CHST6: variants seen among roughly 807,000 people sequenced by gnomAD.
The protein encoded by CHST6 is N-acetylglucosamine 6-O-sulfotransferase 5.
For synonymous variants in CHST6, 309 were observed against 276.4 expected, an observed-to-expected ratio of 1.12 and a Z score of -1.17; for missense variants, 698 against 586.2, an observed-to-expected ratio of 1.19 and a Z score of -1.97.
Position 75,479,617 on chromosome 16 carries a change from T to C in CHST6, c.212A>G (p.Glu71Gly), listed in dbSNP as rs902691133. The C allele has an allele frequency of 6.2e-7, 1 of 1,612,768 alleles. No homozygotes were observed. Among genetic ancestry groups the C allele is most frequent in the Admixed American group, 1.7e-5 (1 of 60,010 alleles). Residue 71 changes from glutamate (E) to glycine (G), a missense_variant, in exon 3 of 3, where the codon GAG becomes GGG. Glu to Gly is a moderately conservative substitution (Grantham distance 98). Coordinates refer to ENST00000332272, the MANE Select transcript of CHST6 (RefSeq NM_021615.5). ...GGTGGTCCACACGTGCCACGCGGGC[T>C]CCATTAGGTAGAAGACGTCGGGGTG... ...NQHPDVFYLM[E>G]PAWHVWTTLS... is the part of the protein sequence containing the mutation.
chr16:75,479,326 T>C lies in CHST6; in HGVS notation c.503A>G (p.Tyr168Cys), dbSNP rs750796422. 3 of 1,612,966 alleles carry C rather than the reference T, an allele frequency of 1.9e-6. No homozygotes were observed. The highest frequency in any genetic ancestry group is 1.7e-5 in the Admixed American group (1 of 60,000). ...CACCTCCTTGAGCACCACGTGGCTG[T>C]AGGAGCGGCAGGCCTCCCGGGCCAG... Reference protein sequence around the residue: ...FTLAREACRSYSHVVLKEVRF... With the variant: ...FTLAREACRSCSHVVLKEVRF... The change falls in exon 3 of 3, where the codon TAC (tyrosine) becomes TGC (cysteine). Residue 168 changes from tyrosine to cysteine, a missense_variant. Coordinates refer to ENST00000332272, the MANE Select transcript of CHST6 (RefSeq NM_021615.5).
intron 1 of CHST6, among the ~76,000 whole-genome samples, chr16:75,487,472 C>T (rs967088700): frequency 6.6e-6 from 1 of 151,856 alleles, no homozygotes; most frequent in Non-Finnish European, 1.5e-5. Context: ...TGGGACAAGC[C>T]TGACCAACAC....
At chr16:75,491,422 T>C (rs1223742148) in intron 1 of CHST6, among the ~76,000 whole-genome samples, 1 of 151,708 alleles carries the variant, frequency 6.6e-6, no homozygotes, top group Non-Finnish European at 1.5e-5. Flanking sequence ...TAGGCTGGAG[T>C]GCAGTGGCAC....
At position 75,478,871 on chromosome 16, in the gene CHST6, T is replaced by G. The variant is rs772357890; in HGVS notation, c.958A>C (p.Lys320Gln). 18 of 1,613,402 alleles carry G rather than the reference T, an allele frequency of 1.1e-5. No homozygotes were observed. The highest frequency in any genetic ancestry group is 1.5e-5 in the Non-Finnish European group (18 of 1,179,962). Residue 320 changes from lysine (K) to glutamine (Q), a missense_variant, in exon 3 of 3, where the codon AAG becomes CAG. Transcript: ENST00000332272. ...SGPGARREAF[K>Q]TSSRNALNVS... ...TTGAGCGCATTCCTGGACGAAGTCT[T>G]GAAGGCTTCGCGGCGCGCACCAGGT... is the stretch of plus-strand genomic sequence containing the variant.
At position 75,474,244 on chromosome 16, in the gene CHST6, T is replaced by C. The variant is rs1416630878; in HGVS notation, c.*4397A>G. 5 of 215,244 alleles carry C rather than the reference T, an allele frequency of 2.3e-5. No individual in the cohort carries two copies. The Admixed American group carries it at 2.9e-4, about 13-fold the overall frequency. 13.3% of individuals were successfully genotyped at this position (215,244 alleles called of 1,614,324 possible). Reference sequence around the variant, plus strand: ...CTTTTCATTAAAAAGTCTCTCTTAATCTGTTTTGTTTTGCTATAACAATAC... The same window carrying C: ...CTTTTCATTAAAAAGTCTCTCTTAACCTGTTTTGTTTTGCTATAACAATAC... On this transcript the variant is annotated 3_prime_UTR_variant, in exon 3 of 3. Transcript: ENST00000332272.
Position 75,472,128 on chromosome 16 carries a change from A to G in CHST6, c.*6513T>C, listed in dbSNP as rs578043291. ...GACATAAAATCCACTGGCCATAAGG[A>G]AAGGATTCACATTCAACAATATGAT... is the stretch of plus-strand genomic sequence containing the variant. On this transcript the variant is annotated 3_prime_UTR_variant, in exon 3 of 3. Transcript: ENST00000332272. 4 of 152,220 alleles carry G rather than the reference A, an allele frequency of 2.6e-5. No homozygotes were observed. The highest frequency in any genetic ancestry group is 5.9e-5 in the Non-Finnish European group (4 of 68,042). 9.4% of individuals were successfully genotyped at this position (152,220 alleles called of 1,614,324 possible). A position where few individuals can be genotyped will look rare whatever the true frequency, so the allele number is the denominator to read the frequency against.
chr16:75,474,932 C>T lies in CHST6; in HGVS notation c.*3709G>A. ...TGTCTCAGCCTCCCAAGTAGCTGGC[C>T]TTACAGGCATGTGCCACCACACCTG... On this transcript the variant is annotated 3_prime_UTR_variant, in exon 3 of 3. Transcript: ENST00000332272. 2.8e-6 allele frequency: 1 copy of T among 358,614 alleles called. No individual in the cohort carries two copies. Among genetic ancestry groups the T allele is most frequent in the South Asian group, 1.5e-4 (1 of 6,636 alleles). The allele number at this position is 358,614 out of a possible 1,614,324, so 22.2% of individuals were successfully genotyped here.
Position 75,478,822 on chromosome 16 carries a change from G to C in CHST6, c.1007C>G (p.Ala336Gly). The change falls in exon 3 of 3, where the codon GCG becomes GGG. Residue 336 changes from alanine (A) to glycine (G), a missense_variant. By Grantham distance (60) the Ala-to-Gly change is moderately conservative. Transcript: ENST00000332272. ...GCGGCGGATCTTGGCAAAGGGCAGC[G>C]CATGGCGCCAGGCCTGGGAGACGTT... The part of the protein sequence containing the change: ...ALNVSQAWRH[A>G]LPFAKIRRVQ... The C allele has an allele frequency of 1.9e-6, 3 of 1,613,450 alleles. No homozygotes were observed. The highest frequency in any genetic ancestry group is 8.5e-7 in the Non-Finnish European group (1 of 1,179,970).
At chr16:75,490,047 A>G (rs920687530) in intron 1 of CHST6, among the ~76,000 whole-genome samples, 1 of 150,760 alleles carries the variant, frequency 6.6e-6, no homozygotes, top group Non-Finnish European at 1.5e-5. Context: ...GCGTGGTGGC[A>G]GGCACCTGTA....
rs1396230610 is a variant in CHST6, at chr16:75,478,996, C to G, written c.833G>C (p.Arg278Pro). The G allele has an allele frequency of 2.5e-6, 4 of 1,612,298 alleles. No individual in the cohort carries two copies. The highest frequency in any genetic ancestry group is 3.4e-6 in the Non-Finnish European group (4 of 1,179,944). ...CGCACGGATTTCTGCCAGCGGCTCCCGCGCCAGGTCCTCGAAGCGCACCAG... is the reference window on the plus strand; with the variant it reads ...CGCACGGATTTCTGCCAGCGGCTCCGGCGCCAGGTCCTCGAAGCGCACCAG... ...YRLVRFEDLA[R>P]EPLAEIRALY... is the part of the protein sequence containing the mutation. The change falls in exon 3 of 3, where the codon CGG becomes CCG. Residue 278 changes from arginine to proline, a missense_variant. Arg to Pro is a moderately radical substitution (Grantham distance 103). Coordinates refer to ENST00000332272, the MANE Select transcript of CHST6 (RefSeq NM_021615.5).
chr16:75,492,704 G>A (rs1231790556), intron 1 of CHST6, among the ~76,000 whole-genome samples: 1 of 152,066 alleles, frequency 6.6e-6, no homozygotes, highest in Non-Finnish European at 1.5e-5. Flanking sequence ...ACAAAAAGTA[G>A]CCAGGTGTGG....
In CHST6 at chr16:75,472,423, T is replaced by C. The variant is rs1158002250; in HGVS notation, c.*6218A>G. The C allele has an allele frequency of 6.6e-6, 1 of 152,174 alleles. No individual in the cohort carries two copies. The allele number at this position is 152,174 out of a possible 1,614,324, so 9.4% of individuals were successfully genotyped here. A position where few individuals can be genotyped will look rare whatever the true frequency, so the allele number is the denominator to read the frequency against. On this transcript the variant is annotated 3_prime_UTR_variant, in exon 3 of 3. Transcript: ENST00000332272. ...AAAGCATATTCAAAAGAGGCTGTGG[T>C]AAGTCAACAGCAACATGGGCACAGC...
At chr16:75,481,062 C>T (rs892546692) in intron 2 of CHST6, among the ~76,000 whole-genome samples, 3 of 151,148 alleles carry the variant, frequency 2.0e-5, no homozygotes, top group African/African-American at 7.3e-5. Flanking sequence ...AGTTTGAGAC[C>T]AGCCTGGGCA....
At chr16:75,489,902 C>T (rs568207450) in intron 1 of CHST6, among the ~76,000 whole-genome samples, 2 of 152,164 alleles carry the variant, frequency 1.3e-5, no homozygotes, top group Admixed American at 6.5e-5. Context: ...CTCAACCAGG[C>T]GCAGTGGCCC....
rs1355370637 is a variant in CHST6, at chr16:75,479,240, T to C, written c.589A>G (p.Ile197Val). ...LLSDPALNLR[I>V]VHLVRDPRAV... ...CGCGGGTCGCGCACCAGGTGCACGA[T>C]GCGTAGGTTGAGCGCGGGGTCGCTG... Residue 197 changes from isoleucine to valine, a missense_variant, in exon 3 of 3, where the codon ATC becomes GTC. Ile to Val is a conservative substitution (Grantham distance 29, BLOSUM62 3). Transcript: ENST00000332272. The C allele has an allele frequency of 2.5e-6, 4 of 1,611,756 alleles. No individual in the cohort carries two copies. Among genetic ancestry groups the C allele is most frequent in the Non-Finnish European group, 3.4e-6 (4 of 1,179,708 alleles).
At position 75,472,766 on chromosome 16, in the gene CHST6, G is replaced by A. The variant is rs2080031719; in HGVS notation, c.*5875C>T. 1 of 152,128 alleles carries A rather than the reference G, an allele frequency of 6.6e-6. No homozygotes were observed. Among genetic ancestry groups the A allele is most frequent in the South Asian group, 2.1e-4 (1 of 4,828 alleles). The allele number at this position is 152,128 out of a possible 1,614,324, so 9.4% of individuals were successfully genotyped here. A position where few individuals can be genotyped will look rare whatever the true frequency, so the allele number is the denominator to read the frequency against. ...TCTTGATGCAAAATAACAAAAATAA[G>A]GCCCACCATTGATTCCCCAACAGCC... On this transcript the variant is annotated 3_prime_UTR_variant, in exon 3 of 3. Transcript: ENST00000332272.
In CHST6 at chr16:75,479,002, A is replaced by G. The variant is rs121917824; in HGVS notation, c.827T>C (p.Leu276Pro). 93 of 1,611,874 alleles carry G rather than the reference A, an allele frequency of 5.8e-5. No individual in the cohort carries two copies. Among genetic ancestry groups the G allele is most frequent in the Non-Finnish European group, 7.5e-5 (88 of 1,179,938 alleles). The part of the protein sequence containing the change: ...GRYRLVRFED[L>P]AREPLAEIRA... The stretch of plus-strand genomic sequence containing the variant: ...GATTTCTGCCAGCGGCTCCCGCGCC[A>G]GGTCCTCGAAGCGCACCAGGCGGTA... The change falls in exon 3 of 3, where the codon CTG becomes CCG. Residue 276 changes from leucine to proline, a missense_variant. Coordinates refer to ENST00000332272, the MANE Select transcript of CHST6 (RefSeq NM_021615.5).
In CHST6 at chr16:75,477,055, T is replaced by G. The variant is rs1006598395; in HGVS notation, c.*1586A>C. 6.6e-6 allele frequency: 1 copy of G among 152,238 alleles called. No homozygotes were observed. The highest frequency in any genetic ancestry group is 2.4e-5 in the African/African-American group (1 of 41,456). 9.4% of individuals were successfully genotyped at this position (152,238 alleles called of 1,614,324 possible). On this transcript the variant is annotated 3_prime_UTR_variant, in exon 3 of 3. Coordinates refer to ENST00000332272, the MANE Select transcript of CHST6 (RefSeq NM_021615.5). ...CACTGCATCCAGCCAAGTTACCCAC[T>G]CTTAAGGTATTTTGTTATAACCACC...
chr16:75,488,086 A>C (rs2080220058), intron 1 of CHST6, among the ~76,000 whole-genome samples: 1 of 152,184 alleles, frequency 6.6e-6, no homozygotes, highest in Non-Finnish European at 1.5e-5. Flanking sequence ...CATAGAATCT[A>C]AGGGAACAAA....
Sources: allele counts gnomAD v4.1 joint callset (sites outside exome capture counted in the v4.1 genomes callset), GRCh38; gene constraint gnomAD v4.1.1; transcripts MANE v1.5; gene names NCBI Gene and HGNC (gene_info 2026-07-23, HGNC 2026-07-21).